The following MAP3K1 variants were observed in gnomAD, a reference collection of about 807,000 sequenced individuals.
MAP3K1 encodes the protein MAP/ERK kinase kinase 1.
Under a neutral mutation model 144.2 loss-of-function variants are expected in MAP3K1, and 36 were observed. That is an observed-to-expected ratio of 0.25 (90% CI 0.19 to 0.33). The LOEUF (loss-of-function observed/expected upper bound fraction) is 0.33, where lower values mean the gene tolerates loss of function less well. MAP3K1 is among the 10% of genes least tolerant of loss of function. The probability of loss-of-function intolerance (pLI) is 1.00; values close to 1 mark genes in which losing one functional copy is unlikely to be tolerated. For synonymous variants in MAP3K1, 718 were observed against 688.7 expected (o/e 1.04, Z -0.67); for missense variants, 1,650 against 1,881.9 (o/e 0.88, Z 2.28).
At chr5:56,871,036 C>T (rs1401454054) in intron 6 of MAP3K1, among the ~76,000 whole-genome samples, 3 of 152,022 alleles carry the variant, frequency 2.0e-5, no homozygotes, top group African/African-American at 7.2e-5. Flanking sequence ...CTTTTTATTT[C>T]CTTTGTCCAT....
intron 1 of MAP3K1, among the ~76,000 whole-genome samples, chr5:56,831,618 T>A (rs1411846117): frequency 6.6e-6 from 1 of 152,238 alleles, no homozygotes; most frequent in Non-Finnish European, 1.5e-5. Context: ...TCCTTTTTCT[T>A]TTAGAACATT....
At chr5:56,824,942 T>A (rs2591952) in intron 1 of MAP3K1, among the ~76,000 whole-genome samples, 112,974 of 151,292 alleles carry the variant, frequency 0.75, 42,693 homozygotes, top group Non-Finnish European at 0.82. Flanking sequence ...TTAAAAAAAA[T>A]TTTTATTTTT....
intron 1 of MAP3K1, among the ~76,000 whole-genome samples, chr5:56,839,633 T>C (rs1380388898): frequency 6.6e-6 from 1 of 152,224 alleles, no homozygotes; most frequent in East Asian, 1.9e-4. Context: ...TGGCAGAGGC[T>C]ACTGTCTGTA....
Position 56,882,513 on chromosome 5 carries a change from G to A in MAP3K1, c.3313G>A (p.Val1105Ile), listed in dbSNP as rs1205060609. 2 of 1,613,992 alleles carry A rather than the reference G, an allele frequency of 1.2e-6. No homozygotes were observed. The highest frequency in any genetic ancestry group is 1.3e-5 in the African/African-American group (1 of 74,908). ...CTGTAGCAGCAATAGTAGTAATGCT[G>A]TTATACCCAGTGACGAGACAGTGTT... ...FGCSSNSSNA[V>I]IPSDETVFTP... is the part of the protein sequence containing the mutation. Residue 1105 changes from valine to isoleucine, a missense_variant, in exon 14 of 20, where the codon GTT becomes ATT. Val to Ile is a conservative substitution (Grantham distance 29). Around this residue, in one of 6 missense-constraint regions of MAP3K1, gnomAD observed 841 missense variants for 886.5 expected, o/e 0.95. Transcript: ENST00000399503.
chr5:56,893,546 A>G lies in MAP3K1; in HGVS notation c.4405A>G (p.Thr1469Ala), dbSNP rs1399509650. 19 of 1,613,826 alleles carry G rather than the reference A, an allele frequency of 1.2e-5. No homozygotes were observed. The highest frequency in any genetic ancestry group is 8.9e-5 in the East Asian group (4 of 44,898). The change falls in exon 20 of 20, where the codon ACT becomes GCT. Residue 1469 changes from threonine to alanine, a missense_variant. Around this residue, in one of 6 missense-constraint regions of MAP3K1, gnomAD observed 165 missense variants for 322.9 expected, o/e 0.51. Coordinates refer to ENST00000399503, the MANE Select transcript of MAP3K1 (RefSeq NM_005921.2). ...ALIFKIASAT[T>A]APSIPSHLSP... ...TTCTCCACAGATTGCTAGTGCAACT[A>G]CTGCTCCATCGATCCCTTCACATTT...
chr5:56,818,389 C>T (rs898033062), intron 1 of MAP3K1, among the ~76,000 whole-genome samples: 2 of 152,028 alleles, frequency 1.3e-5, no homozygotes, highest in Admixed American at 6.5e-5. Flanking sequence ...AAGTTACATT[C>T]ATACTTCCAA....
At chr5:56,873,031 C>T in intron 9 of MAP3K1, 26 bp downstream of exon 9, 1 of 1,594,290 alleles carries the variant, frequency 6.3e-7, no homozygotes, top group Non-Finnish European at 8.6e-7. Flanking sequence ...TTTTTCATTT[C>T]TCAAAGAAAT....
intron 1 of MAP3K1, among the ~76,000 whole-genome samples, chr5:56,819,615 T>C (rs1176876433): frequency 6.6e-6 from 1 of 151,964 alleles, no homozygotes; most frequent in Non-Finnish European, 1.5e-5. Context: ...AGCACCTCTT[T>C]TGCATTTTGT....
At chr5:56,840,787 C>T (rs1746788071) in intron 1 of MAP3K1, among the ~76,000 whole-genome samples, 1 of 151,972 alleles carries the variant, frequency 6.6e-6, no homozygotes, top group African/African-American at 2.4e-5. Flanking sequence ...TGAGAGCCGC[C>T]ATGTTTCATG....
At chr5:56,837,192 G>A (rs1456087239) in intron 1 of MAP3K1, among the ~76,000 whole-genome samples, 1 of 151,630 alleles carries the variant, frequency 6.6e-6, no homozygotes, top group African/African-American at 2.4e-5. Flanking sequence ...GCACTTCATG[G>A]CTTTTGCATC....
intron 1 of MAP3K1, among the ~76,000 whole-genome samples, chr5:56,823,690 T>G (rs550626484): frequency 7.9e-5 from 12 of 152,210 alleles, no homozygotes; most frequent in Admixed American, 2.0e-4. Flanking sequence ...TAGACTATGG[T>G]GTTTCAACAC....
chr5:56,872,539 GA>G (rs1415038579), intron 7 of MAP3K1, 101 bp from the exon 8 acceptor site: 1 of 723,728 alleles, frequency 1.4e-6, no homozygotes, highest in Admixed American at 2.6e-5. Flanking sequence ...GATTATTTTT[GA>G]GGTTCCTTCT....
At chr5:56,883,393 A>G (rs988062761) in intron 14 of MAP3K1, 134 bp from the exon 15 acceptor site, 1 of 811,978 alleles carries the variant, frequency 1.2e-6, no homozygotes, top group Non-Finnish European at 2.0e-6. Flanking sequence ...GTCGGTCACA[A>G]ATACCTTCCA....
chr5:56,858,487 C>T (rs1195031317), intron 2 of MAP3K1, among the ~76,000 whole-genome samples: 1 of 152,058 alleles, frequency 6.6e-6, no homozygotes, highest in East Asian at 1.9e-4. Context: ...ATTATGCCAC[C>T]CTACATTTTA....
intron 19 of MAP3K1, among the ~76,000 whole-genome samples, chr5:56,889,884 A>AT (rs1748494500): frequency 6.6e-6 from 1 of 152,118 alleles, no homozygotes; most frequent in African/African-American, 2.4e-5. Flanking sequence ...CACACTTATT[A>AT]TATAACCTCC....
At chr5:56,857,894 G>A (rs895925499) in intron 2 of MAP3K1, among the ~76,000 whole-genome samples, 15 of 152,128 alleles carry the variant, frequency 9.9e-5, no homozygotes, top group Non-Finnish European at 2.2e-4. Context: ...GAATTATACA[G>A]AATAAATCTA....
intron 1 of MAP3K1, among the ~76,000 whole-genome samples, chr5:56,841,293 A>G (rs1221741248): frequency 6.6e-6 from 1 of 151,878 alleles, no homozygotes; most frequent in African/African-American, 2.4e-5. Context: ...GTTCTGCTTG[A>G]CAGTTGTCTG....
rs770169813 is a variant in MAP3K1 at position 56,844,183 on chromosome 5, G to GTTTTTTTT, written c.483-12400_483-12393dup. ...TAGTATTATAGGATTGTTTTTTTTG[G>GTTTTTTTT]TTTTTTTTTTTTTTTTTTTTTTTTG... On this transcript the variant is annotated intron_variant, in intron 1 of 19. Coordinates refer to ENST00000399503, the MANE Select transcript of MAP3K1 (RefSeq NM_005921.2). Among the ~76,000 whole-genome samples the GTTTTTTTT allele has an allele frequency of 5.0e-4, 38 of 76,102 alleles. 1 individual carries two copies. Among genetic ancestry groups the GTTTTTTTT allele is most frequent in the Non-Finnish European group, 6.0e-4 (26 of 43,314 alleles). 49.9% of individuals were successfully genotyped at this position (76,102 alleles called of 152,430 possible). A position where few individuals can be genotyped will look rare whatever the true frequency, so the allele number is the denominator to read the frequency against.
At chr5:56,877,523 T>A in intron 10 of MAP3K1, among the ~76,000 whole-genome samples, 1 of 13,858 alleles carries the variant, frequency 7.2e-5, no homozygotes, top group South Asian at 1.8e-3. Context: ...ATATATAATT[T>A]TTTTTTTTTT....
Sources: allele counts gnomAD v4.1 joint callset (sites outside exome capture counted in the v4.1 genomes callset), GRCh38; gene constraint gnomAD v4.1.1; regional missense constraint gnomAD v4.1.1; transcripts MANE v1.5; gene names NCBI Gene and HGNC (gene_info 2026-07-23, HGNC 2026-07-21).